Variants in CLIC4 observed in about 807,000 individuals in gnomAD.
The protein encoded by CLIC4 is CLIC family member 4.
Under a neutral mutation model 24.6 loss-of-function variants are expected in CLIC4, and 13 were observed. The ratio of observed to expected loss-of-function variants is 0.53; its 90% CI spans 0.34 to 0.84. CLIC4 has a LOEUF of 0.84. Ranked by LOEUF, CLIC4 falls within the 40% of genes least tolerant of loss-of-function variation. The probability of loss-of-function intolerance (pLI) is 0.01; values close to 1 mark genes in which losing one functional copy is unlikely to be tolerated. For synonymous variants in CLIC4, 104 were observed against 111.3 expected, an observed-to-expected ratio of 0.93 and a Z score of 0.41; for missense variants, 227 against 301.7, an observed-to-expected ratio of 0.75 and a Z score of 1.83.
At chr1:24,784,338 C>G (rs1365626762) in intron 1 of CLIC4, among the ~76,000 whole-genome samples, 1 of 152,032 alleles carries the variant, frequency 6.6e-6, no homozygotes, top group African/African-American at 2.4e-5. Context: ...GAAAACAGGC[C>G]CAGTTTTTCA....
chr1:24,828,982 C>T (rs1193533871), intron 4 of CLIC4, among the ~76,000 whole-genome samples: 1 of 152,148 alleles, frequency 6.6e-6, no homozygotes, highest in Non-Finnish European at 1.5e-5. Context: ...TATTTCAAAT[C>T]ACTTTGGAGC....
At chr1:24,772,240 C>A (rs1224585481) in intron 1 of CLIC4, among the ~76,000 whole-genome samples, 1 of 151,964 alleles carries the variant, frequency 6.6e-6, no homozygotes, top group South Asian at 2.1e-4. Context: ...AGACACAGAA[C>A]CATTCTTCTT....
intron 1 of CLIC4, among the ~76,000 whole-genome samples, chr1:24,796,882 C>T (rs548224857): frequency 6.6e-6 from 1 of 152,176 alleles, no homozygotes; most frequent in African/African-American, 2.4e-5. Flanking sequence ...TATGGATCAT[C>T]GCCATCATGC....
At chr1:24,795,555 A>T (rs1385846683) in intron 1 of CLIC4, among the ~76,000 whole-genome samples, 2 of 152,092 alleles carry the variant, frequency 1.3e-5, no homozygotes, top group Non-Finnish European at 2.9e-5. Context: ...AAAATAAAAA[A>T]AAAACAGGAT....
chr1:24,791,824 C>T (rs1057233311), intron 1 of CLIC4, among the ~76,000 whole-genome samples: 2 of 150,866 alleles, frequency 1.3e-5, no homozygotes, highest in Admixed American at 6.6e-5. Flanking sequence ...TGCAGTGAGC[C>T]GAGATCACAC....
At chr1:24,820,912 G>C (rs772562067) in intron 3 of CLIC4, among the ~76,000 whole-genome samples, 1 of 152,124 alleles carries the variant, frequency 6.6e-6, no homozygotes, top group Non-Finnish European at 1.5e-5. Context: ...GGCTGGGCGC[G>C]GTGGCTCATG....
intron 1 of CLIC4, among the ~76,000 whole-genome samples, chr1:24,771,336 G>A (rs1394790563): frequency 6.6e-6 from 1 of 152,064 alleles, no homozygotes; most frequent in African/African-American, 2.4e-5. Flanking sequence ...ACTGTTTGGG[G>A]CAGTTTGTGC....
chr1:24,811,702 A>T (rs1167054612), intron 2 of CLIC4, among the ~76,000 whole-genome samples: 3 of 150,256 alleles, frequency 2.0e-5, no homozygotes, highest in Admixed American at 6.6e-5. Context: ...TCTCGCTTGA[A>T]CTCCTGGACT....
intron 2 of CLIC4, among the ~76,000 whole-genome samples, chr1:24,810,518 T>C (rs1639601831): frequency 6.6e-6 from 1 of 152,164 alleles, no homozygotes; most frequent in Non-Finnish European, 1.5e-5. Context: ...CAGCTTTCAG[T>C]TATGTGGGTT....
At chr1:24,797,445 G>A (rs1053208896) in intron 1 of CLIC4, among the ~76,000 whole-genome samples, 1 of 151,188 alleles carries the variant, frequency 6.6e-6, no homozygotes, top group East Asian at 2.0e-4. Context: ...ATGGTGGTAC[G>A]TGCCTGTAGC....
chr1:24,828,833 A>G (rs1432956845), intron 4 of CLIC4, among the ~76,000 whole-genome samples: 1 of 152,214 alleles, frequency 6.6e-6, no homozygotes, highest in African/African-American at 2.4e-5. Context: ...AACCAATAAG[A>G]ACAAACAACA....
intron 1 of CLIC4, among the ~76,000 whole-genome samples, chr1:24,758,137 G>C (rs529814442): frequency 1.7e-4 from 26 of 152,076 alleles, no homozygotes; most frequent in Non-Finnish European, 8.8e-5. Flanking sequence ...CTGCTTTCTA[G>C]TATATTCATT....
At chr1:24,793,776 T>C (rs1379136583) in intron 1 of CLIC4, among the ~76,000 whole-genome samples, 1 of 152,146 alleles carries the variant, frequency 6.6e-6, no homozygotes, top group Non-Finnish European at 1.5e-5. Context: ...TTCTAGAATC[T>C]TCACTATAAG....
intron 3 of CLIC4, among the ~76,000 whole-genome samples, chr1:24,824,996 T>TCACACAAA (rs1639772435): frequency 7.5e-6 from 1 of 133,866 alleles, no homozygotes; most frequent in Admixed American, 7.5e-5. Flanking sequence ...GGAGACCCTG[T>TCACACAAA]CACACACACA....
chr1:24,778,868 A>C (rs528040342), intron 1 of CLIC4, among the ~76,000 whole-genome samples: 8 of 152,356 alleles, frequency 5.3e-5, no homozygotes, highest in Non-Finnish European at 7.3e-5. Flanking sequence ...ATTTTCCTAC[A>C]GATTAAAGCC....
intron 2 of CLIC4, among the ~76,000 whole-genome samples, chr1:24,802,038 C>T (rs1031975300): frequency 2.0e-5 from 3 of 152,074 alleles, no homozygotes; most frequent in Non-Finnish European, 4.4e-5. Flanking sequence ...GAGTGTGCCA[C>T]CAGGCACACA....
At position 24,764,261 on chromosome 1, in the gene CLIC4, C is replaced by T. The variant is rs375915147; in HGVS notation, c.72+18636C>T. Among the ~76,000 whole-genome samples the T allele has an allele frequency of 3.0e-3, 459 of 152,148 alleles. 3 individuals are homozygous for T. The highest frequency in any genetic ancestry group is 0.01 in the African/African-American group (422 of 41,556). ...GATTACAGGCATGTGCCACCACACC[C>T]GGCTAATTTTGTATTTTTAGTAGAG... On this transcript the variant is annotated intron_variant, in intron 1 of 5. Coordinates refer to ENST00000374379, the MANE Select transcript of CLIC4 (RefSeq NM_013943.3).
chr1:24,779,764 C>CG (rs1247606790), intron 1 of CLIC4, among the ~76,000 whole-genome samples: 19 of 152,268 alleles, frequency 1.2e-4, no homozygotes, highest in African/African-American at 4.6e-4. Flanking sequence ...AAACCATCCA[C>CG]GCGTCTTTAG....
At chr1:24,764,676 T>A (rs1378190886) in intron 1 of CLIC4, among the ~76,000 whole-genome samples, 1 of 151,840 alleles carries the variant, frequency 6.6e-6, no homozygotes, top group African/African-American at 2.4e-5. Flanking sequence ...AAAAAATTCA[T>A]ACTCTGGTAT....
Sources: allele counts gnomAD v4.1 joint callset (sites outside exome capture counted in the v4.1 genomes callset), GRCh38; gene constraint gnomAD v4.1.1; transcripts MANE v1.5; gene names NCBI Gene and HGNC (gene_info 2026-07-23, HGNC 2026-07-21).